The following CCNH variants were observed in gnomAD, a reference collection of about 807,000 sequenced individuals.
The protein encoded by CCNH is cyclin-H.
A neutral mutation model predicts 41.9 loss-of-function variants in CCNH; 31 were observed. That is an observed-to-expected ratio of 0.74 (90% CI 0.56 to 1.00). The LOEUF (loss-of-function observed/expected upper bound fraction) is 1.00, where lower values mean the gene tolerates loss of function less well. CCNH is among the 50% of genes least tolerant of loss of function. CCNH has a pLI of 0.00. For missense variants in CCNH, 362 were observed against 388.4 expected (o/e 0.93, Z 0.57); for synonymous variants, 138 against 136.1 (o/e 1.01, Z -0.10).
chr5:87,409,143 A>G (rs1764024130), intron 3 of CCNH, 147 bp downstream of exon 3: 1 of 436,184 alleles, frequency 2.3e-6, no homozygotes, highest in African/African-American at 2.0e-5. Context: ...AATAAAAAAA[A>G]AAAAATAGAA....
intron 9 of CCNH, chr5:87,383,623 TA>T (rs1761876495): frequency 3.0e-6 from 3 of 1,008,858 alleles, no homozygotes; most frequent in East Asian, 5.2e-5. Context: ...CTATGAGTAC[TA>T]AAAATTCTGT....
At chr5:87,372,045 A>AT, downstream of CCNH, 1 of 1,435,604 alleles carries the variant, frequency 7.0e-7, no homozygotes, top group South Asian at 1.2e-5. Flanking sequence ...ATTTGAAAAA[A>AT]AAAACCTAAC....
At chr5:87,333,119 G>A in intron 9 of CCNH, 7 of 1,206,736 alleles carry the variant, frequency 5.8e-6, no homozygotes, top group Non-Finnish European at 7.9e-6. Context: ...TCTAGGCACT[G>A]GGTATTTATA....
chr5:87,348,837 T>A (rs1295026259), intron 9 of CCNH, among the ~76,000 whole-genome samples: 1 of 152,026 alleles, frequency 6.6e-6, no homozygotes, highest in East Asian at 1.9e-4. Flanking sequence ...CTTCACTTTT[T>A]AGAATCTTCT....
chr5:87,332,367 A>T, intron 9 of CCNH: 1 of 822,646 alleles, frequency 1.2e-6, no homozygotes, highest in Non-Finnish European at 1.9e-6. Context: ...GAAGATACTA[A>T]TAAGTGGTAT....
intron 9 of CCNH, among the ~76,000 whole-genome samples, chr5:87,364,765 C>T (rs1760380108): frequency 6.6e-6 from 1 of 152,144 alleles, no homozygotes. Flanking sequence ...AGAGAAAGGG[C>T]TGTAAGCATT....
chr5:87,332,516 T>C lies in CCNH; in HGVS notation c.*91-13619A>G. 1 of 1,606,858 alleles carries C rather than the reference T, an allele frequency of 6.2e-7. No individual in the cohort carries two copies. Reference sequence around the variant, plus strand: ...TTTCCTGTTCAAATAGGATTATTGCTATGTGTGGAGATTACTACATTGGTG... The same window carrying C: ...TTTCCTGTTCAAATAGGATTATTGCCATGTGTGGAGATTACTACATTGGTG... On this transcript the variant is annotated intron_variant and NMD_transcript_variant, in intron 9 of 9. Transcript: ENST00000645953.
downstream of CCNH, chr5:87,389,303 C>T: frequency 2.0e-6 from 3 of 1,524,346 alleles, no homozygotes; most frequent in Non-Finnish European, 1.8e-6. Flanking sequence ...TGCATTTCAG[C>T]CTGGGCAACA....
downstream of CCNH, chr5:87,374,841 G>A (rs1761213539): frequency 1.2e-6 from 2 of 1,608,572 alleles, no homozygotes; most frequent in Non-Finnish European, 8.5e-7. Context: ...CTCCTTTAGT[G>A]ATCTTCCTCC....
At chr5:87,346,637 C>A (rs1371870023) in intron 9 of CCNH, 1 of 1,387,912 alleles carries the variant, frequency 7.2e-7, no homozygotes, top group Non-Finnish European at 1.0e-6. Context: ...GCAAAAAGGA[C>A]TTTATTTATA....
chr5:87,323,756 T>C (rs999535571), intron 9 of CCNH, among the ~76,000 whole-genome samples: 7 of 152,184 alleles, frequency 4.6e-5, no homozygotes, highest in African/African-American at 1.4e-4. Flanking sequence ...CTGCCTGTTA[T>C]ATTTTTCTCA....
chr5:87,344,758 A>G (rs7717820), intron 9 of CCNH, among the ~76,000 whole-genome samples: 4,815 of 147,540 alleles, frequency 0.033, 159 homozygotes, highest in African/African-American at 0.077. Flanking sequence ...GCCTCAAGTG[A>G]TCCTCCCACC....
chr5:87,394,148 CT>C, downstream of CCNH: 10 of 703,118 alleles, frequency 1.4e-5, no homozygotes, highest in East Asian at 1.4e-4. Context: ...TTTGTGGTGC[CT>C]TTTTTAAAAA....
chr5:87,376,618 A>C, exon 1 of CCNH: 1 of 1,565,646 alleles, frequency 6.4e-7, no homozygotes. Flanking sequence ...GAAACATTTA[A>C]CATTTAATAA....
exon 1 of CCNH, chr5:87,376,902 C>G: frequency 6.2e-7 from 1 of 1,608,626 alleles, no homozygotes; most frequent in Non-Finnish European, 8.5e-7. Flanking sequence ...AAAGGAACTT[C>G]ATGTAGTCTA....
chr5:87,311,619 A>G, the CCNH span, among the ~76,000 whole-genome samples: 2 of 152,202 alleles, frequency 1.3e-5, no homozygotes, highest in East Asian at 3.8e-4. Flanking sequence ...ACAGTGCTTA[A>G]CTGCCGCTCA....
chr5:87,394,168 GT>G (rs1762732636), downstream of CCNH: 1 of 843,602 alleles, frequency 1.2e-6, no homozygotes. Flanking sequence ...AAAAGCATAG[GT>G]TTGCCTATCA....
intron 9 of CCNH, among the ~76,000 whole-genome samples, chr5:87,341,782 C>A (rs1469804530): frequency 6.6e-6 from 1 of 151,940 alleles, no homozygotes; most frequent in African/African-American, 2.4e-5. Context: ...TTTTGAAGAT[C>A]TGAACCATTA....
intron 9 of CCNH, among the ~76,000 whole-genome samples, chr5:87,346,975 G>GT (rs1370598106): frequency 2.6e-5 from 4 of 151,702 alleles, no homozygotes; most frequent in Admixed American, 6.6e-5. Context: ...CTAGGTGACA[G>GT]TTTTTTTTCC....
Sources: allele counts gnomAD v4.1 joint callset (sites outside exome capture counted in the v4.1 genomes callset), GRCh38; gene constraint gnomAD v4.1.1; transcripts MANE v1.5; gene names NCBI Gene and HGNC (gene_info 2026-07-23, HGNC 2026-07-21).